KCNC1: variants seen among roughly 807,000 people sequenced by gnomAD.
KCNC1 encodes voltage-gated potassium channel KCNC1.
In KCNC1, 8 loss-of-function variants were observed where a neutral mutation model predicts 43.4. The ratio of observed to expected loss-of-function variants is 0.18; its 90% CI spans 0.11 to 0.33. The LOEUF (loss-of-function observed/expected upper bound fraction) is 0.33, where lower values mean the gene tolerates loss of function less well. Ranked by LOEUF, KCNC1 falls within the 10% of genes least tolerant of loss-of-function variation. The pLI is 1.00. For synonymous variants in KCNC1, 361 were observed against 360.5 expected (o/e 1.00, Z -0.01); for missense variants, 420 against 836.0 (o/e 0.50, Z 6.14).
chr11:17,762,496 G>T (rs1849089036), intron 1 of KCNC1, among the ~76,000 whole-genome samples: 1 of 152,202 alleles, frequency 6.6e-6, no homozygotes, highest in African/African-American at 2.4e-5. Context: ...CTCAGAAAGG[G>T]ACAGTGACTT....
At chr11:17,757,045 G>A (rs925628643) in intron 1 of KCNC1, among the ~76,000 whole-genome samples, 2 of 152,166 alleles carry the variant, frequency 1.3e-5, no homozygotes, top group East Asian at 1.9e-4. Flanking sequence ...TGCCTCCTTC[G>A]GAGAGGCTTT....
At chr11:17,757,601 G>C (rs532925082) in intron 1 of KCNC1, among the ~76,000 whole-genome samples, 5 of 152,308 alleles carry the variant, frequency 3.3e-5, no homozygotes, top group Admixed American at 1.3e-4. Context: ...GCCCCCTTGA[G>C]AGGCCTATAC....
intron 1 of KCNC1, among the ~76,000 whole-genome samples, chr11:17,751,609 T>A (rs1210077039): frequency 6.6e-6 from 1 of 151,308 alleles, no homozygotes; most frequent in East Asian, 1.9e-4. Context: ...GTTTGTGGAG[T>A]GAGAGAGCTG....
At chr11:17,760,799 C>G (rs1849068806) in intron 1 of KCNC1, among the ~76,000 whole-genome samples, 1 of 152,220 alleles carries the variant, frequency 6.6e-6, no homozygotes, top group African/African-American at 2.4e-5. Context: ...AGGCAAGATT[C>G]TTTCCCTCTG....
At chr11:17,778,392 C>T (rs1426426680) in intron 2 of KCNC1, among the ~76,000 whole-genome samples, 1 of 152,240 alleles carries the variant, frequency 6.6e-6, no homozygotes, top group Non-Finnish European at 1.5e-5. Flanking sequence ...GTCCATCAGC[C>T]GCTGTTGTCT....
At chr11:17,774,646 T>G (rs865968633) in intron 2 of KCNC1, 27 of 985,530 alleles carry the variant, frequency 2.7e-5, no homozygotes, top group Non-Finnish European at 3.3e-5. Flanking sequence ...TCCCCAGCCC[T>G]GCTTTTGAGA....
In KCNC1 at chr11:17,736,302, C is replaced by T; in HGVS notation, c.300C>T (p.Asp100=). The change falls in exon 1 of 4, where the codon GAC becomes GAT. Residue 100 remains aspartate, a synonymous_variant. Coordinates refer to ENST00000265969, the MANE Select transcript of KCNC1 (RefSeq NM_001112741.2). This position sits in a 1 kb window ranked among gnomAD's most constrained non-coding sequence, Gnocchi z 9.3. ...ELAFWGIDET[D]VEPCCWMTYR... ...CCTTCTGGGGCATCGACGAGACCGA[C>T]GTGGAGCCCTGCTGCTGGATGACGT... The T allele has an allele frequency of 3.1e-6, 5 of 1,613,334 alleles. No individual in the cohort carries two copies. Among genetic ancestry groups the T allele is most frequent in the Non-Finnish European group, 4.2e-6 (5 of 1,179,876 alleles).
intron 1 of KCNC1, among the ~76,000 whole-genome samples, chr11:17,750,317 A>C (rs1290937233): frequency 6.6e-6 from 1 of 152,154 alleles, no homozygotes; most frequent in Non-Finnish European, 1.5e-5. Flanking sequence ...CCACAGAGGC[A>C]GGGAGGGAGG....
intron 2 of KCNC1, chr11:17,774,702 G>T: frequency 1.2e-5 from 12 of 985,466 alleles, no homozygotes; most frequent in Non-Finnish European, 1.4e-5. Context: ...GACAGTTCTG[G>T]CTTGGACAGT....
At chr11:17,772,624 G>T (rs1023166655) in intron 2 of KCNC1, 26 bp downstream of exon 2, 1 of 1,604,426 alleles carries the variant, frequency 6.2e-7, no homozygotes, top group African/African-American at 1.3e-5. Context: ...GAGGCATGTC[G>T]ATCTGACCTT....
chr11:17,763,131 G>A (rs1190132319), intron 1 of KCNC1, among the ~76,000 whole-genome samples: 1 of 152,146 alleles, frequency 6.6e-6, no homozygotes, highest in Admixed American at 6.5e-5. Flanking sequence ...AATTCAGTGA[G>A]GTGAGCCGTT....
At chr11:17,755,557 G>A (rs568305969) in intron 1 of KCNC1, among the ~76,000 whole-genome samples, 1 of 152,052 alleles carries the variant, frequency 6.6e-6, no homozygotes, top group Non-Finnish European at 1.5e-5. Flanking sequence ...AGAGCCACGA[G>A]GATTTCCTTA....
intron 2 of KCNC1, chr11:17,775,912 C>A (rs1298029951): frequency 1.0e-6 from 1 of 985,448 alleles, no homozygotes; most frequent in African/African-American, 1.7e-5. Flanking sequence ...GGTCTAAAGT[C>A]CCCTATCCCC....
In KCNC1 at chr11:17,779,697, T is replaced by G; in HGVS notation, c.1693+53T>G. 1 of 1,362,926 alleles carries G rather than the reference T, an allele frequency of 7.3e-7. No individual in the cohort carries two copies. The highest frequency in any genetic ancestry group is 9.6e-7 in the Non-Finnish European group (1 of 1,041,612). 84.4% of individuals were successfully genotyped at this position (1,362,926 alleles called of 1,614,324 possible). A position where few individuals can be genotyped will look rare whatever the true frequency, so the allele number is the denominator to read the frequency against. On this transcript the variant is annotated intron_variant, in intron 3 of 3. Transcript: ENST00000265969. This position sits in a 1 kb window ranked among gnomAD's most constrained non-coding sequence, Gnocchi z 7.2. ...CATCGTCCGGGCCGCCTCGCGCTCC[T>G]GCAGATGGGTGGGCAGGGCGGCGGG...
At position 17,761,758 on chromosome 11, in the gene KCNC1, TG is replaced by T. The variant is rs1232097951; in HGVS notation, c.571-9905del. Among the ~76,000 whole-genome samples, 6 of 152,278 alleles carry T rather than the reference TG, an allele frequency of 3.9e-5. No homozygotes were observed. The East Asian group carries it at 1.2e-3, about 29-fold the overall frequency. On this transcript the variant is annotated intron_variant, in intron 1 of 3. Coordinates refer to ENST00000265969, the MANE Select transcript of KCNC1 (RefSeq NM_001112741.2). ...ATGGATCCCAAATGCCAGGATTGGC[TG>T]GTGGCATCAGAGCCTCCTGGGGCAC...
chr11:17,764,641 G>T (rs1024576577), intron 1 of KCNC1, among the ~76,000 whole-genome samples: 3 of 152,142 alleles, frequency 2.0e-5, no homozygotes, highest in African/African-American at 7.2e-5. Flanking sequence ...AGCTCCTCCC[G>T]CCCACTGCCC....
At chr11:17,746,603 AT>A (rs1848902736) in intron 1 of KCNC1, among the ~76,000 whole-genome samples, 1 of 152,018 alleles carries the variant, frequency 6.6e-6, no homozygotes, top group African/African-American at 2.4e-5. Flanking sequence ...AGTTCTAGGC[AT>A]TAGTCACTGG....
chr11:17,745,582 C>T (rs1483391388), intron 1 of KCNC1, among the ~76,000 whole-genome samples: 2 of 152,162 alleles, frequency 1.3e-5, no homozygotes, highest in East Asian at 1.9e-4. Context: ...CTCCATCTCA[C>T]GCTGGGGTCT....
chr11:17,776,341 A>T lies in KCNC1; in HGVS notation c.1505-3115A>T. On this transcript the variant is annotated intron_variant, in intron 2 of 3. Transcript: ENST00000265969. The surrounding 1 kb of genome is among the most constrained non-coding windows in gnomAD (Gnocchi z 4.4). ...TTTTCCTGAGTCCCCAGCTGGGCAGATCCCTCAGGGCTAAACCCAAGGAAA... is the reference window on the plus strand; with the variant it reads ...TTTTCCTGAGTCCCCAGCTGGGCAGTTCCCTCAGGGCTAAACCCAAGGAAA... The T allele has an allele frequency of 1.0e-6, 1 of 985,204 alleles. No individual in the cohort carries two copies. The highest frequency in any genetic ancestry group is 1.2e-6 in the Non-Finnish European group (1 of 829,894). The allele number at this position is 985,204 out of a possible 1,614,324, so 61.0% of individuals were successfully genotyped here.
Sources: gnomAD v4.1 joint callset for allele counts (sites outside exome capture counted in the v4.1 genomes callset) on GRCh38, gnomAD v4.1.1 for gene constraint, Gnocchi (gnomAD v3.1) non-coding constraint, MANE v1.5 for transcripts, NCBI Gene and HGNC (gene_info 2026-07-23, HGNC 2026-07-21) for gene names.